The following TGM4 variants were observed in gnomAD, a reference collection of about 807,000 sequenced individuals.
TGM4 encodes transglutaminase 4.
In TGM4, 61 loss-of-function variants were observed where a neutral mutation model predicts 76.3. The ratio of observed to expected loss-of-function variants is 0.80; its 90% CI spans 0.65 to 0.99. TGM4 has a LOEUF of 0.99. Among genes scored for constraint, TGM4 ranks in the 50% least tolerant of loss-of-function variants. The probability of loss-of-function intolerance (pLI) is 0.00; values close to 1 mark genes in which losing one functional copy is unlikely to be tolerated. For synonymous variants in TGM4, 337 were observed against 329.8 expected (o/e 1.02, Z -0.24); for missense variants, 794 against 843.2 (o/e 0.94, Z 0.72).
At chr3:44,889,547 G>C (rs530078238) in intron 3 of TGM4, among the ~76,000 whole-genome samples, 6 of 152,306 alleles carry the variant, frequency 3.9e-5, no homozygotes, top group Non-Finnish European at 7.3e-5. Context: ...TTTGAACTGA[G>C]AGCCTATTGC....
chr3:44,896,566 G>T, intron 5 of TGM4, 143 bp from the exon 6 acceptor site: 1 of 675,400 alleles, frequency 1.5e-6, no homozygotes. Context: ...TTTCAGTGCT[G>T]TGGTGGACTT....
Position 44,914,948 on chromosome 3 carries a change from C to T in TGM4, c.*1223C>T, listed in dbSNP as rs1700068055. On this transcript the variant is annotated 3_prime_UTR_variant, in exon 14 of 14. Transcript: ENST00000296125. ...CACCCTTGCCCAAGTTGCCCACATC[C>T]CTGGCATACAGTAGGTGTTCAATAA... is the stretch of plus-strand genomic sequence containing the variant. The T allele has an allele frequency of 6.6e-6, 1 of 152,180 alleles. No individual in the cohort carries two copies. The highest frequency in any genetic ancestry group is 1.5e-5 in the Non-Finnish European group (1 of 68,046). The allele number at this position is 152,180 out of a possible 1,614,324, so 9.4% of individuals were successfully genotyped here. A position where few individuals can be genotyped will look rare whatever the true frequency, so the allele number is the denominator to read the frequency against.
At chr3:44,898,067 G>T (rs141000556) in intron 6 of TGM4, among the ~76,000 whole-genome samples, 4 of 152,110 alleles carry the variant, frequency 2.6e-5, no homozygotes, top group Non-Finnish European at 4.4e-5. Context: ...AGATCACGAG[G>T]TCAGGAGATC....
chr3:44,878,990 A>G (rs1041180684), intron 1 of TGM4, among the ~76,000 whole-genome samples: 1 of 151,740 alleles, frequency 6.6e-6, no homozygotes, highest in Non-Finnish European at 1.5e-5. Flanking sequence ...ACTTCTATTA[A>G]TATTTCTCTA....
intron 1 of TGM4, among the ~76,000 whole-genome samples, chr3:44,879,854 G>GTGGTGTGAACA (rs1177420849): frequency 2.0e-5 from 3 of 152,042 alleles, no homozygotes; most frequent in East Asian, 3.9e-4. Flanking sequence ...CTGTAGTGTA[G>GTGGTGTGAACA]TGGTGTGAAC....
chr3:44,878,457 TATTA>T, intron 1 of TGM4, among the ~76,000 whole-genome samples: 1 of 44,882 alleles, frequency 2.2e-5, no homozygotes, highest in African/African-American at 7.9e-5. Flanking sequence ...GTTTTATTAT[TATTA>T]TTATTATTAT....
Position 44,913,579 on chromosome 3 carries a change from TC to T in TGM4, c.1914-3del. On this transcript the variant is annotated splice_region_variant and splice_polypyrimidine_tract_variant and intron_variant, in intron 13 of 13. Coordinates refer to ENST00000296125, the MANE Select transcript of TGM4 (RefSeq NM_003241.4). The stretch of plus-strand genomic sequence containing the variant: ...TGTATGTCCGTATGTCTTTGAATTT[TC>T]CAGGACGGTGCAGCCTGGTGAGACC... 3 of 1,611,582 alleles carry T rather than the reference TC, an allele frequency of 1.9e-6. No homozygotes were observed.
At chr3:44,906,828 C>G (rs981851429) in intron 9 of TGM4, 121 bp from the exon 10 acceptor site, 1 of 1,357,404 alleles carries the variant, frequency 7.4e-7, no homozygotes. Flanking sequence ...TACCCAGATG[C>G]TTCTTGGGCA....
At chr3:44,912,332 G>C (rs1056177799) in intron 13 of TGM4, among the ~76,000 whole-genome samples, 51 of 151,926 alleles carry the variant, frequency 3.4e-4, no homozygotes, top group African/African-American at 7.7e-4. Flanking sequence ...AATTTTTTTT[G>C]GGTGTGGAGT....
chr3:44,910,980 G>C lies in TGM4; in HGVS notation c.1629G>C (p.Leu543Phe), dbSNP rs1048232411. The C allele has an allele frequency of 2.5e-6, 4 of 1,613,930 alleles. No individual in the cohort carries two copies. The highest frequency in any genetic ancestry group is 2.7e-5 in the African/African-American group (2 of 74,878). The change falls in exon 12 of 14, where the codon TTG (leucine) becomes TTC (phenylalanine). Residue 543 changes from leucine to phenylalanine, a missense_variant. Transcript: ENST00000296125. ...CAGTATCAGAAGTGACTCTGACCTT[G>C]GACTCCAAGACCTACATCAACAGCC... is the stretch of plus-strand genomic sequence containing the variant. Reference protein sequence around the residue: ...QGQVSEVTLTLDSKTYINSLA... With the variant: ...QGQVSEVTLTFDSKTYINSLA...
chr3:44,896,538 A>G (rs984577017), intron 5 of TGM4, among the ~76,000 whole-genome samples, 171 bp from the exon 6 acceptor site: 2 of 152,196 alleles, frequency 1.3e-5, no homozygotes, highest in Non-Finnish European at 2.9e-5. Flanking sequence ...GTGGCAGGAC[A>G]TTTAAATGGT....
chr3:44,897,952 T>A (rs1255799061), intron 6 of TGM4, among the ~76,000 whole-genome samples: 1 of 152,150 alleles, frequency 6.6e-6, no homozygotes, highest in African/African-American at 2.4e-5. Flanking sequence ...TTGGAATATA[T>A]GAACATCTGG....
chr3:44,890,568 G>C lies in TGM4; in HGVS notation c.301-35G>C, dbSNP rs371734931. The C allele has an allele frequency of 1.2e-5, 19 of 1,610,094 alleles. No individual in the cohort carries two copies. In the African/African-American group the frequency reaches 2.1e-4, roughly 18 times the overall value. On this transcript the variant is annotated intron_variant, in intron 3 of 13. Coordinates refer to ENST00000296125, the MANE Select transcript of TGM4 (RefSeq NM_003241.4). ...TGTAAGATTTGGGATCTGGCCAGAG[G>C]GGGAGATGTCCACCTTATCTTATGG...
intron 10 of TGM4, among the ~76,000 whole-genome samples, chr3:44,909,503 A>G (rs1344441665): frequency 6.6e-6 from 1 of 152,222 alleles, no homozygotes; most frequent in Non-Finnish European, 1.5e-5. Flanking sequence ...GCTCTGAGTC[A>G]GGTCAATGAA....
chr3:44,910,401 T>C lies in TGM4; in HGVS notation c.1606+33T>C, dbSNP rs201427586. ...AACCAGAGGGAGGAGAGGCCTCAAG[T>C]GGGCTCAGGGTCCCACAATCTGAAA... On this transcript the variant is annotated intron_variant, in intron 11 of 13. Transcript: ENST00000296125. 2.9e-5 allele frequency: 47 copies of C among 1,603,382 alleles called. 1 individual carries two copies. The highest frequency in any genetic ancestry group is 3.2e-5 in the Non-Finnish European group (37 of 1,172,974).
chr3:44,901,776 A>T lies in TGM4; in HGVS notation c.833-17A>T. 3.7e-6 allele frequency: 6 copies of T among 1,613,818 alleles called. No individual in the cohort carries two copies. The highest frequency in any genetic ancestry group is 5.1e-6 in the Non-Finnish European group (6 of 1,179,838). ...AGCCCCCACAGTTGCCAACCACCCCACCCTGGATCATTTCAGTGCTGAGAG... is the reference window on the plus strand; with the variant it reads ...AGCCCCCACAGTTGCCAACCACCCCTCCCTGGATCATTTCAGTGCTGAGAG... On this transcript the variant is annotated splice_polypyrimidine_tract_variant and intron_variant, in intron 7 of 13. Coordinates refer to ENST00000296125, the MANE Select transcript of TGM4 (RefSeq NM_003241.4).
chr3:44,893,430 C>T, intron 4 of TGM4, 147 bp from the exon 5 acceptor site: 1 of 709,044 alleles, frequency 1.4e-6, no homozygotes, highest in Non-Finnish European at 2.5e-6. Flanking sequence ...TACTTTCCCT[C>T]CCGCTTACCT....
At position 44,911,045 on chromosome 3, in the gene TGM4, T is replaced by C. The variant is rs1236203550; in HGVS notation, c.1694T>C (p.Ile565Thr). 2.5e-6 allele frequency: 4 copies of C among 1,614,062 alleles called. No individual in the cohort carries two copies. In the Admixed American group the frequency reaches 5.0e-5, roughly 20 times the overall value. ...GATGAGCCAGTTATCAGAGGTTTCA[T>C]CATTGCGGAAATTGTGGAGTCTAAG... ...LDDEPVIRGF[I>T]IAEIVESKEI... is the part of the protein sequence containing the mutation. Residue 565 changes from isoleucine (I) to threonine (T), a missense_variant, in exon 12 of 14, where the codon ATC becomes ACC. Physicochemically the swap from Ile to Thr is moderately conservative, Grantham distance 89. Coordinates refer to ENST00000296125, the MANE Select transcript of TGM4 (RefSeq NM_003241.4).
chr3:44,897,307 A>AAGTC (rs1188608991), intron 6 of TGM4, among the ~76,000 whole-genome samples: 6 of 152,084 alleles, frequency 3.9e-5, no homozygotes, highest in Admixed American at 1.3e-4. Flanking sequence ...CCCGGCTTTC[A>AAGTC]AGTCAGACCT....
Sources: gnomAD v4.1 joint callset for allele counts (sites outside exome capture counted in the v4.1 genomes callset) on GRCh38, gnomAD v4.1.1 for gene constraint, MANE v1.5 for transcripts, NCBI Gene and HGNC (gene_info 2026-07-23, HGNC 2026-07-21) for gene names.